Variants in UNC13B observed in about 807,000 individuals in gnomAD.
UNC13B encodes protein unc-13 homolog B.
A neutral mutation model predicts 211.0 loss-of-function variants in UNC13B; 144 were observed. The observed-to-expected ratio is 0.68, with a 90% CI of 0.60 to 0.78. UNC13B has a LOEUF of 0.78. UNC13B is among the 30% of genes least tolerant of loss of function. The pLI is 0.00. For missense variants in UNC13B, 1,777 were observed against 2,002.0 expected, an observed-to-expected ratio of 0.89 and a Z score of 2.14; for synonymous variants, 709 against 725.8, an observed-to-expected ratio of 0.98 and a Z score of 0.37.
chr9:35,238,630 A>C (rs1432154182), intron 5 of UNC13B, among the ~76,000 whole-genome samples: 1 of 150,120 alleles, frequency 6.7e-6, no homozygotes, highest in Non-Finnish European at 1.5e-5. Flanking sequence ...ATCTTGGCTC[A>C]CTGCAACCTC....
chr9:35,193,607 G>A (rs940018664), intron 1 of UNC13B, among the ~76,000 whole-genome samples: 25 of 145,664 alleles, frequency 1.7e-4, no homozygotes, highest in Non-Finnish European at 2.7e-4. Flanking sequence ...GCATTGAGCC[G>A]AGACTGCACA....
At chr9:35,343,629 A>T (rs1832161871) in intron 11 of UNC13B, among the ~76,000 whole-genome samples, 1 of 152,188 alleles carries the variant, frequency 6.6e-6, no homozygotes, top group Non-Finnish European at 1.5e-5. Context: ...TGAGCAGGTG[A>T]AAAGATGAGT....
chr9:35,297,561 T>TTTTTTTTTTTTTTTTTTTTTTGTTTTTG, intron 8 of UNC13B, among the ~76,000 whole-genome samples: 3 of 128,222 alleles, frequency 2.3e-5, no homozygotes, highest in African/African-American at 8.8e-5. Flanking sequence ...TTTTTTTTTT[T>TTTTTTTTTTTTTTTTTTTTTTGTTTTTG]TTTTTTGAGA....
At chr9:35,326,513 G>C (rs148217229) in intron 11 of UNC13B, among the ~76,000 whole-genome samples, 1 of 152,072 alleles carries the variant, frequency 6.6e-6, no homozygotes, top group Non-Finnish European at 1.5e-5. Flanking sequence ...AGCTTCCTGA[G>C]TAGCTTGGAC....
Position 35,162,033 on chromosome 9 carries a change from G to A in UNC13B, c.-251G>A. On this transcript the variant is annotated 5_prime_UTR_variant, in exon 1 of 40. Coordinates refer to ENST00000635942, the MANE Select transcript of UNC13B (RefSeq NM_001371189.2). ...GAGTCCCGGCAGCTCCTACCTCCCA[G>A]CGATGGCGTCGCTGTGCCGCGCCCA... 1 of 551,514 alleles carries A rather than the reference G, an allele frequency of 1.8e-6. No individual in the cohort carries two copies. The highest frequency in any genetic ancestry group is 3.2e-6 in the Non-Finnish European group (1 of 317,442). 34.2% of individuals were successfully genotyped at this position (551,514 alleles called of 1,614,324 possible). A position where few individuals can be genotyped will look rare whatever the true frequency, so the allele number is the denominator to read the frequency against.
At chr9:35,259,113 T>C in intron 7 of UNC13B, 63 bp downstream of exon 7, 1 of 1,541,998 alleles carries the variant, frequency 6.5e-7, no homozygotes, top group Non-Finnish European at 8.9e-7. Flanking sequence ...TCTCTGAACA[T>C]GGGTTATTCT....
At chr9:35,226,966 C>T (rs1234599950) in intron 1 of UNC13B, among the ~76,000 whole-genome samples, 1 of 152,132 alleles carries the variant, frequency 6.6e-6, no homozygotes, top group East Asian at 1.9e-4. Flanking sequence ...CAAATTTATG[C>T]TTATTGACCA....
At chr9:35,214,440 C>T (rs1365418200) in intron 1 of UNC13B, among the ~76,000 whole-genome samples, 1 of 151,808 alleles carries the variant, frequency 6.6e-6, no homozygotes, top group Non-Finnish European at 1.5e-5. Flanking sequence ...AACAAACAAA[C>T]AATCAACAAC....
At chr9:35,334,945 G>A (rs1291327705) in intron 11 of UNC13B, among the ~76,000 whole-genome samples, 2 of 152,182 alleles carry the variant, frequency 1.3e-5, no homozygotes, top group African/African-American at 4.8e-5. Flanking sequence ...GGCTGAGAGA[G>A]GAGAATCACT....
rs1019958401 is a variant in UNC13B, at chr9:35,396,679, G to T, written c.11435+77G>T. 3 of 1,602,284 alleles carry T rather than the reference G, an allele frequency of 1.9e-6. No homozygotes were observed. The African/African-American group carries it at 4.0e-5, about 21-fold the overall frequency. The stretch of plus-strand genomic sequence containing the variant: ...GGGCTAGTATCCCCAATTCATTTCA[G>T]CAAGCCAGTCTCGGGGACTGCCTGT... On this transcript the variant is annotated intron_variant, in intron 27 of 39. Coordinates refer to ENST00000635942, the MANE Select transcript of UNC13B (RefSeq NM_001371189.2).
intron 1 of UNC13B, among the ~76,000 whole-genome samples, chr9:35,213,637 G>T (rs1824093379): frequency 6.6e-6 from 1 of 152,118 alleles, no homozygotes; most frequent in South Asian, 2.1e-4. Context: ...CATAAAGCTA[G>T]GATTCTCAAA....
chr9:35,187,991 C>T (rs1822452642), intron 1 of UNC13B, among the ~76,000 whole-genome samples: 1 of 152,152 alleles, frequency 6.6e-6, no homozygotes, highest in South Asian at 2.1e-4. Flanking sequence ...AAGAGTATAA[C>T]TTACTCAATT....
chr9:35,364,449 C>G, intron 11 of UNC13B: 1 of 1,377,302 alleles, frequency 7.3e-7, no homozygotes, highest in South Asian at 1.3e-5. Context: ...TTCCATGTCC[C>G]TTGGAGTTTA....
chr9:35,275,577 T>G (rs1828130424), intron 7 of UNC13B, among the ~76,000 whole-genome samples: 1 of 152,116 alleles, frequency 6.6e-6, no homozygotes, highest in Non-Finnish European at 1.5e-5. Context: ...TTTCCATCCT[T>G]TGAATTGGTT....
In UNC13B at chr9:35,236,450, G is replaced by C; in HGVS notation, c.153-19G>C. 1 of 1,599,284 alleles carries C rather than the reference G, an allele frequency of 6.3e-7. No homozygotes were observed. Among genetic ancestry groups the C allele is most frequent in the Non-Finnish European group, 8.6e-7 (1 of 1,167,038 alleles). ...CATATTGTCTAGCTTTCCTCAAAGG[G>C]CTTTCCTCTTTCCCTTAGTGAGATT... On this transcript the variant is annotated intron_variant, in intron 3 of 39. Transcript: ENST00000635942.
intron 14 of UNC13B, among the ~76,000 whole-genome samples, chr9:35,375,620 G>A (rs182658478): frequency 2.5e-4 from 38 of 152,324 alleles, no homozygotes; most frequent in African/African-American, 8.9e-4. Context: ...CATTGCCAGA[G>A]GAGACACGAA....
In UNC13B at chr9:35,199,432, T is replaced by TGGTTGAAC. The variant is rs574827466; in HGVS notation, c.23-28582_23-28575dup. 7.7e-4 allele frequency among the ~76,000 whole-genome samples: 117 copies of TGGTTGAAC among 152,330 alleles called. 2 individuals carry two copies. The South Asian group carries it at 0.019, about 25-fold the overall frequency. On this transcript the variant is annotated intron_variant, in intron 1 of 39. Transcript: ENST00000635942. ...GGAATCGCCACACTGTCTTCCACAA[T>TGGTTGAAC]GGTTGAACTAGTTTACAGTCCCACC...
chr9:35,191,547 G>A (rs949106179), intron 1 of UNC13B, among the ~76,000 whole-genome samples: 5 of 152,186 alleles, frequency 3.3e-5, no homozygotes, highest in Non-Finnish European at 5.9e-5. Context: ...TAGGAGTCAC[G>A]CAGCTGGAGG....
At position 35,302,414 on chromosome 9, in the gene UNC13B, A is replaced by G. The variant is rs1564123080; in HGVS notation, c.3010A>G (p.Ile1004Val). The change falls in exon 9 of 40, where the codon ATA becomes GTA. Residue 1004 changes from isoleucine to valine, a missense_variant. Ile to Val is a conservative substitution (Grantham distance 29). Transcript: ENST00000635942. ...TCCTGAAGATGCCAAACTTAGTTCA[A>G]TAAAATCTGGTTCAGCTCCAAATAC... is the stretch of plus-strand genomic sequence containing the variant. ...NCPEDAKLSSIKSGSAPNTQD... is the reference protein window; with the variant it reads ...NCPEDAKLSSVKSGSAPNTQD... The G allele has an allele frequency of 2.5e-6, 1 of 398,700 alleles. No individual in the cohort carries two copies. The highest frequency in any genetic ancestry group is 4.4e-6 in the Non-Finnish European group (1 of 225,800). 24.7% of individuals were successfully genotyped at this position (398,700 alleles called of 1,614,324 possible).
Sources: allele counts gnomAD v4.1 joint callset (sites outside exome capture counted in the v4.1 genomes callset), GRCh38; gene constraint gnomAD v4.1.1; transcripts MANE v1.5; gene names NCBI Gene and HGNC (gene_info 2026-07-23, HGNC 2026-07-21).